Variants in MAK observed in about 807,000 individuals in gnomAD.
MAK encodes serine/threonine-protein kinase MAK.
In MAK, 65 loss-of-function variants were observed where a neutral mutation model predicts 82.6. The observed-to-expected ratio is 0.79, with a 90% confidence interval of 0.64 to 0.97. MAK has a LOEUF of 0.97. Among genes scored for constraint, MAK ranks in the 50% least tolerant of loss-of-function variants. The pLI is 0.00. For missense variants in MAK, 703 were observed against 780.2 expected (o/e 0.90, Z 1.18); for synonymous variants, 250 against 274.2 (o/e 0.91, Z 0.87).
intron 11 of MAK, chr6:10,779,336 G>T: frequency 1.0e-6 from 1 of 985,116 alleles, no homozygotes; most frequent in Non-Finnish European, 1.2e-6. Context: ...AGAGTGAGCT[G>T]ACAGATGGTG....
At chr6:10,822,759 C>A (rs1374287023) in intron 2 of MAK, among the ~76,000 whole-genome samples, 1 of 152,128 alleles carries the variant, frequency 6.6e-6, no homozygotes, top group African/African-American at 2.4e-5. Flanking sequence ...CATGGTGTTC[C>A]CATCTGACAC....
At chr6:10,812,560 A>G (rs1254256417) in intron 5 of MAK, among the ~76,000 whole-genome samples, 2 of 152,128 alleles carry the variant, frequency 1.3e-5, no homozygotes, top group Non-Finnish European at 2.9e-5. Flanking sequence ...GCTACAAACT[A>G]TTTAAGTGTT....
intron 2 of MAK, among the ~76,000 whole-genome samples, chr6:10,822,751 T>C (rs146926006): frequency 0.015 from 2,311 of 152,298 alleles, 52 homozygotes; most frequent in South Asian, 0.047. Context: ...GATGGTACCA[T>C]GGTGTTCCCA....
chr6:10,770,042 A>G (rs752765124), intron 14 of MAK, 69 bp downstream of exon 14: 8 of 1,612,970 alleles, frequency 5.0e-6, no homozygotes, highest in East Asian at 2.2e-5. Flanking sequence ...AAGTGACTGC[A>G]TAAACTTAAA....
intron 10 of MAK, 51 bp from the exon 11 acceptor site, chr6:10,784,623 C>A (rs1271495757): frequency 2.0e-6 from 3 of 1,504,616 alleles, no homozygotes; most frequent in East Asian, 2.2e-5. Context: ...GAGAGGATCT[C>A]GCCCACCCTC....
chr6:10,785,435 T>C (rs1394606706), intron 10 of MAK, among the ~76,000 whole-genome samples: 1 of 152,216 alleles, frequency 6.6e-6, no homozygotes, highest in African/African-American at 2.4e-5. Flanking sequence ...CCATCACTTG[T>C]TAACTCCAAG....
intron 11 of MAK, among the ~76,000 whole-genome samples, chr6:10,780,686 C>G (rs543834685): frequency 6.6e-6 from 1 of 152,098 alleles, no homozygotes; most frequent in South Asian, 2.1e-4. Flanking sequence ...ATCTCTTGAT[C>G]TCGTGATCCA....
intron 14 of MAK, among the ~76,000 whole-genome samples, chr6:10,766,022 T>C (rs1772401265): frequency 6.6e-6 from 1 of 152,250 alleles, no homozygotes; most frequent in African/African-American, 2.4e-5. Flanking sequence ...TGATGCCTTC[T>C]TCAGTCCCTC....
chr6:10,830,505 G>T, intron 2 of MAK, 43 bp downstream of exon 2: 1 of 1,465,708 alleles, frequency 6.8e-7, no homozygotes, highest in Middle Eastern at 1.7e-4. Context: ...AAAATAAAGA[G>T]CAGAGTTTTC....
At chr6:10,788,016 TTTTTTTGA>T (rs1253947243) in intron 10 of MAK, among the ~76,000 whole-genome samples, 2 of 152,054 alleles carry the variant, frequency 1.3e-5, no homozygotes, top group African/African-American at 4.8e-5. Flanking sequence ...AACCTTGATC[TTTTTTTGA>T]TTTTTTGAGA....
At chr6:10,828,509 G>T (rs147928408) in intron 2 of MAK, among the ~76,000 whole-genome samples, 1 of 152,180 alleles carries the variant, frequency 6.6e-6, no homozygotes, top group East Asian at 1.9e-4. Context: ...AGTATCTGAA[G>T]ATAGGGTCTT....
At chr6:10,822,039 T>C (rs1464084423) in intron 2 of MAK, among the ~76,000 whole-genome samples, 7 of 143,278 alleles carry the variant, frequency 4.9e-5, no homozygotes, top group South Asian at 4.3e-4. Flanking sequence ...CCCAGCTACT[T>C]GGGAGGCTGA....
intron 1 of MAK, among the ~76,000 whole-genome samples, chr6:10,837,588 A>G (rs931165927): frequency 6.6e-6 from 1 of 152,264 alleles, no homozygotes; most frequent in Non-Finnish European, 1.5e-5. Context: ...TTCTGAATAA[A>G]TAAAGTCAGA....
Position 10,796,205 on chromosome 6 carries a change from T to C in MAK, c.936A>G (p.Ser312=). 1 of 1,614,220 alleles carries C rather than the reference T, an allele frequency of 6.2e-7. No individual in the cohort carries two copies. The highest frequency in any genetic ancestry group is 8.5e-7 in the Non-Finnish European group (1 of 1,180,038). The change falls in exon 9 of 15, where the codon TCA becomes TCG. Residue 312 remains serine, a synonymous_variant. Transcript: ENST00000354489. ...SLNKQLQPLE[S]KPSLVEVEPK... ...GCTCTACCTCAACTAAAGATGGCTT[T>C]GATTCTAATGGTTGCAGCTGCTTAT...
intron 5 of MAK, among the ~76,000 whole-genome samples, chr6:10,811,887 T>TA (rs530641081): frequency 1.1e-4 from 17 of 151,454 alleles, no homozygotes; most frequent in South Asian, 6.3e-4. Flanking sequence ...GTTAAGAAAA[T>TA]AAAAAAAACA....
At position 10,818,956 on chromosome 6, in the gene MAK, GA is replaced by G; in HGVS notation, c.102-17del. The G allele has an allele frequency of 6.8e-7, 1 of 1,467,980 alleles. No individual in the cohort carries two copies. Among genetic ancestry groups the G allele is most frequent in the Non-Finnish European group, 9.5e-7 (1 of 1,049,762 alleles). 90.9% of individuals were successfully genotyped at this position (1,467,980 alleles called of 1,614,324 possible). A position where few individuals can be genotyped will look rare whatever the true frequency, so the allele number is the denominator to read the frequency against. ...TCTCTTCATCCTAAAATAAATTAGG[GA>G]AAGTTTAGTGTTCAGGGATTGAGGA... On this transcript the variant is annotated splice_polypyrimidine_tract_variant and intron_variant, in intron 2 of 14. Coordinates refer to ENST00000354489, the MANE Select transcript of MAK (RefSeq NM_001242957.3).
At chr6:10,790,790 T>G (rs1561954486) in intron 10 of MAK, among the ~76,000 whole-genome samples, 2 of 152,196 alleles carry the variant, frequency 1.3e-5, no homozygotes, top group African/African-American at 4.8e-5. Flanking sequence ...TGAAATGTAA[T>G]CCCCAGTTTT....
chr6:10,771,854 A>C (rs1312088394), intron 13 of MAK, among the ~76,000 whole-genome samples: 1 of 152,230 alleles, frequency 6.6e-6, no homozygotes, highest in Admixed American at 6.5e-5. Context: ...AACACTAATC[A>C]GTTCTTTACT....
At chr6:10,816,956 T>A (rs916217048) in intron 4 of MAK, among the ~76,000 whole-genome samples, 1 of 152,174 alleles carries the variant, frequency 6.6e-6, no homozygotes, top group African/African-American at 2.4e-5. Context: ...TAGAAGGGAC[T>A]CTGAAAAAGT....
Sources: gnomAD v4.1 joint callset for allele counts (sites outside exome capture counted in the v4.1 genomes callset) on GRCh38, gnomAD v4.1.1 for gene constraint, MANE v1.5 for transcripts, NCBI Gene and HGNC (gene_info 2026-07-23, HGNC 2026-07-21) for gene names.